MGAM: variants seen among roughly 807,000 people sequenced by gnomAD.
The protein encoded by MGAM is alpha-1,4-glucosidase.
MGAM carries 253 observed loss-of-function variants against 358.8 expected under a neutral mutation model. That is an observed-to-expected ratio of 0.71 (90% CI 0.64 to 0.78). The LOEUF (loss-of-function observed/expected upper bound fraction) is 0.78. Ranked by LOEUF, MGAM falls within the 30% of genes least tolerant of loss-of-function variation. The pLI is 0.00. For missense variants in MGAM, 3,080 were observed against 3,432.6 expected (o/e 0.90, Z 2.57); for synonymous variants, 1,105 against 1,227.1 (o/e 0.90, Z 2.08).
At chr7:142,060,108 C>T in intron 33 of MGAM, 142 bp downstream of exon 33, 1 of 1,271,664 alleles carries the variant, frequency 7.9e-7, no homozygotes. Context: ...CTCTCCTTTT[C>T]TCAATCAATA....
At chr7:142,095,834 G>A in intron 64 of MGAM, 121 bp downstream of exon 64, 1 of 1,433,240 alleles carries the variant, frequency 7.0e-7, no homozygotes, top group South Asian at 1.3e-5. Context: ...TTCAGGTGCA[G>A]ACCATACTTT....
intron 66 of MGAM, among the ~76,000 whole-genome samples, chr7:142,098,030 G>T (rs1816098432): frequency 6.6e-6 from 1 of 152,178 alleles, no homozygotes; most frequent in South Asian, 2.1e-4. Context: ...AAGTTTGTAA[G>T]CATAGAGGCC....
At chr7:142,058,899 AT>A (rs1024841390) in intron 31 of MGAM, among the ~76,000 whole-genome samples, 38 of 152,166 alleles carry the variant, frequency 2.5e-4, no homozygotes, top group African/African-American at 7.7e-4. Flanking sequence ...CACATATTTA[AT>A]TTTATCCCAC....
intron 57 of MGAM, among the ~76,000 whole-genome samples, chr7:142,089,502 T>C (rs758381895): frequency 4.1e-5 from 6 of 146,414 alleles, no homozygotes; most frequent in Non-Finnish European, 6.2e-5. Flanking sequence ...GTTTTTGCCA[T>C]TGAAAGTTAT....
In MGAM at chr7:142,088,743, GTCTGTCTATCTATCTATCTATCTATCTA is replaced by G. The variant is rs1212114305; in HGVS notation, c.6810+2030_6810+2057del. ...TTTATGTCTGTCTGTCTGTCTGTCT[GTCTGTCTATCTATCTATCTATCTATCTA>G]TCTATCTATCTATCTATCTATCTAT... On this transcript the variant is annotated intron_variant, in intron 57 of 70. Transcript: ENST00000475668. Among the ~76,000 whole-genome samples, 583 of 96,828 alleles carry G rather than the reference GTCTGTCTATCTATCTATCTATCTATCTA, an allele frequency of 6.0e-3. 23 individuals are homozygous for G. The highest frequency in any genetic ancestry group is 0.025 in the African/African-American group (535 of 21,772). 63.5% of individuals were successfully genotyped at this position (96,828 alleles called of 152,430 possible). A position where few individuals can be genotyped will look rare whatever the true frequency, so the allele number is the denominator to read the frequency against.
rs1206741210 is a variant in MGAM, at chr7:142,091,156, A to G, written c.6811-757A>G. ...CAGCTACTCAGGAGGCTGAGGCAAA[A>G]GAATCGCGAGAACCTGGAAGGCAGA... On this transcript the variant is annotated intron_variant, in intron 57 of 70. Transcript: ENST00000475668. Among the ~76,000 whole-genome samples, 4 of 144,184 alleles carry G rather than the reference A, an allele frequency of 2.8e-5. 1 individual carries two copies. The highest frequency in any genetic ancestry group is 9.8e-5 in the African/African-American group (4 of 40,772). 94.6% of individuals were successfully genotyped at this position (144,184 alleles called of 152,430 possible). A position where few individuals can be genotyped will look rare whatever the true frequency, so the allele number is the denominator to read the frequency against.
intron 55 of MGAM, 118 bp downstream of exon 55, chr7:142,086,079 G>A (rs1229633003): frequency 1.4e-6 from 2 of 1,469,972 alleles, no homozygotes; most frequent in Non-Finnish European, 1.9e-6. Context: ...AGTAAGAAAT[G>A]TGTATTTCCC....
chr7:142,051,794 A>G (rs967902629), intron 24 of MGAM, among the ~76,000 whole-genome samples: 14 of 152,116 alleles, frequency 9.2e-5, no homozygotes, highest in African/African-American at 3.4e-4. Flanking sequence ...CATACCTACT[A>G]TATACCCATT....
Position 142,058,269 on chromosome 7 carries a change from C to G in MGAM, c.3760C>G (p.Gln1254Glu), listed in dbSNP as rs754566758. 1 of 1,613,784 alleles carries G rather than the reference C, an allele frequency of 6.2e-7. No individual in the cohort carries two copies. The highest frequency in any genetic ancestry group is 1.3e-5 in the African/African-American group (1 of 74,894). ...GTTCCAGCTGTGTCGCTATGGCTAC[C>G]AGAATGACTCTGAGATCGCCAGCTT... ...LGFQLCRYGY[Q>E]NDSEIASLYD... Residue 1254 changes from glutamine (Q) to glutamate (E), a missense_variant, in exon 31 of 71, where the codon CAG (glutamine) becomes GAG (glutamate). Coordinates refer to ENST00000475668, the MANE Select transcript of MGAM (RefSeq NM_001365693.1).
Position 142,021,578 on chromosome 7 carries a change from C to T in MGAM, c.559-8C>T, listed in dbSNP as rs1554458820. 6.2e-7 allele frequency: 1 copy of T among 1,613,504 alleles called. No homozygotes were observed. Among genetic ancestry groups the T allele is most frequent in the South Asian group, 1.1e-5 (1 of 91,052 alleles). On this transcript the variant is annotated splice_region_variant and splice_polypyrimidine_tract_variant and intron_variant, in intron 5 of 70. Transcript: ENST00000475668. ...TTTGGCTTTCCTTCTATTTCTATCT[C>T]TGCACAGTTGACTGACCAAACCAAT...
At chr7:142,036,690 G>A (rs1451188250) in intron 17 of MGAM, 133 bp from the exon 18 acceptor site, 1 of 914,668 alleles carries the variant, frequency 1.1e-6, no homozygotes. Flanking sequence ...CTACTCAGAA[G>A]CGAGGTTTGC....
intron 1 of MGAM, among the ~76,000 whole-genome samples, chr7:142,001,512 G>A (rs1353027210): frequency 3.9e-5 from 6 of 152,176 alleles, no homozygotes; most frequent in African/African-American, 1.4e-4. Flanking sequence ...TGTTCTTTTT[G>A]AGTAAAGAGA....
At chr7:142,040,217 A>C (rs1418365061) in intron 20 of MGAM, 46 bp downstream of exon 20, 1 of 1,426,644 alleles carries the variant, frequency 7.0e-7, no homozygotes, top group Non-Finnish European at 9.8e-7. Context: ...CTGTAGCTGC[A>C]GCTGCATAGA....
At chr7:141,987,047 A>G (rs1803738130) in intron 2 of MGAM, among the ~76,000 whole-genome samples, 1 of 152,162 alleles carries the variant, frequency 6.6e-6, no homozygotes, top group African/African-American at 2.4e-5. Context: ...ATACTGGACA[A>G]TGGAGACGAA....
At chr7:142,028,084 T>C (rs1275669520) in intron 10 of MGAM, among the ~76,000 whole-genome samples, 3 of 152,178 alleles carry the variant, frequency 2.0e-5, no homozygotes, top group African/African-American at 7.2e-5. Flanking sequence ...TTTCAAGGCA[T>C]TTGTCTCTTT....
intron 13 of MGAM, among the ~76,000 whole-genome samples, chr7:142,032,033 C>CTTTT (rs371378447): frequency 1.5e-4 from 18 of 122,346 alleles, no homozygotes; most frequent in South Asian, 5.5e-4. Flanking sequence ...AAGTCTAGCT[C>CTTTT]TTTTTTTTTT....
chr7:141,998,235 A>G (rs782227809), intron 1 of MGAM, among the ~76,000 whole-genome samples: 3 of 152,162 alleles, frequency 2.0e-5, no homozygotes, highest in Non-Finnish European at 2.9e-5. Context: ...TATATATAGT[A>G]ATAATTCTTT....
At chr7:142,037,279 C>G (rs1424465869) in intron 18 of MGAM, among the ~76,000 whole-genome samples, 1 of 152,130 alleles carries the variant, frequency 6.6e-6, no homozygotes, top group Non-Finnish European at 1.5e-5. Flanking sequence ...TTAGACAAAT[C>G]ATTTTTTCCT....
In MGAM at chr7:141,999,602, A is replaced by G. The variant is rs189037441; in HGVS notation, c.-3+3672A>G. 2.5e-3 allele frequency among the ~76,000 whole-genome samples: 373 copies of G among 152,234 alleles called. 2 individuals are homozygous for G. The highest frequency in any genetic ancestry group is 8.3e-3 in the African/African-American group (345 of 41,528). ...AAATGGCATGTGACAAATTATGGAAACCTCTTAGGATATCTGCTCAATCAC... is the reference window on the plus strand; with the variant it reads ...AAATGGCATGTGACAAATTATGGAAGCCTCTTAGGATATCTGCTCAATCAC... On this transcript the variant is annotated intron_variant, in intron 1 of 70. Coordinates refer to ENST00000475668, the MANE Select transcript of MGAM (RefSeq NM_001365693.1).
Sources: gnomAD v4.1 joint callset for allele counts (sites outside exome capture counted in the v4.1 genomes callset) on GRCh38, gnomAD v4.1.1 for gene constraint, MANE v1.5 for transcripts, NCBI Gene and HGNC (gene_info 2026-07-23, HGNC 2026-07-21) for gene names.